Variants in FSTL4 observed in about 807,000 individuals in gnomAD.
The protein encoded by FSTL4 is follistatin like 4.
FSTL4 carries 28 observed loss-of-function variants against 78.2 expected under a neutral mutation model. The observed-to-expected ratio is 0.36, with a 90% CI of 0.27 to 0.49. The LOEUF (loss-of-function observed/expected upper bound fraction) is 0.49. Ranked by LOEUF, FSTL4 falls within the 20% of genes least tolerant of loss-of-function variation. The pLI is 0.98. For missense variants in FSTL4, 922 were observed against 1,084.9 expected (o/e 0.85, Z 2.11); for synonymous variants, 422 against 440.5 (o/e 0.96, Z 0.53).
At chr5:133,626,092 A>G in the FSTL4 span, among the ~76,000 whole-genome samples, 1 of 83,344 alleles carries the variant, frequency 1.2e-5, no homozygotes, top group South Asian at 3.4e-4. Flanking sequence ...ATATATATAT[A>G]TATTCCATAT....
intron 14 of FSTL4, among the ~76,000 whole-genome samples, chr5:133,208,600 C>G (rs1289478269): frequency 6.6e-6 from 1 of 152,190 alleles, no homozygotes; most frequent in African/African-American, 2.4e-5. Context: ...CATGGGTTTG[C>G]TCTGTGATTT....
chr5:133,654,329 C>T, the FSTL4 span, among the ~76,000 whole-genome samples: 1 of 152,200 alleles, frequency 6.6e-6, no homozygotes, highest in Non-Finnish European at 1.5e-5. Flanking sequence ...TTGTTTTGCT[C>T]TTTTTACTAT....
intron 6 of FSTL4, among the ~76,000 whole-genome samples, chr5:133,296,276 C>G (rs1410160267): frequency 2.0e-5 from 3 of 152,242 alleles, no homozygotes; most frequent in Non-Finnish European, 4.4e-5. Flanking sequence ...TCCTCACCAC[C>G]ATCGTGCCCA....
Position 133,395,782 on chromosome 5 carries a change from C to G in FSTL4, c.409+4956G>C, listed in dbSNP as rs181403872. Among the ~76,000 whole-genome samples, 16 of 152,320 alleles carry G rather than the reference C, an allele frequency of 1.1e-4. No individual in the cohort carries two copies. The East Asian group carries it at 3.1e-3, about 29-fold the overall frequency. On this transcript the variant is annotated intron_variant, in intron 4 of 15. Transcript: ENST00000265342. ...CAAACCTTCCCTTGCTCTTCAAAAT[C>G]CACCTTGAAGGTCCCCTCTCCTCCA... is the stretch of plus-strand genomic sequence containing the variant.
chr5:133,561,469 G>A (rs1217019265), intron 3 of FSTL4, among the ~76,000 whole-genome samples: 1 of 152,096 alleles, frequency 6.6e-6, no homozygotes, highest in Non-Finnish European at 1.5e-5. Flanking sequence ...GGATTTTTCT[G>A]GTGTCATTCT....
At chr5:133,289,502 C>T (rs1381982795) in intron 6 of FSTL4, among the ~76,000 whole-genome samples, 1 of 152,248 alleles carries the variant, frequency 6.6e-6, no homozygotes, top group Non-Finnish European at 1.5e-5. Context: ...GGGTCAGGAG[C>T]TCCTGAGAGT....
chr5:133,261,423 A>G (rs1182364058), intron 6 of FSTL4, among the ~76,000 whole-genome samples: 1 of 152,204 alleles, frequency 6.6e-6, no homozygotes, highest in Non-Finnish European at 1.5e-5. Context: ...CCCCCCTCTT[A>G]GCCGAGAAGA....
intron 3 of FSTL4, among the ~76,000 whole-genome samples, chr5:133,470,418 C>T (rs890914426): frequency 2.6e-5 from 4 of 152,202 alleles, no homozygotes; most frequent in Non-Finnish European, 5.9e-5. Context: ...TTCTAGGAAT[C>T]AGAAAGCAAG....
the FSTL4 span, among the ~76,000 whole-genome samples, chr5:133,664,341 T>G: frequency 6.6e-6 from 1 of 151,990 alleles, no homozygotes; most frequent in Non-Finnish European, 1.5e-5. Flanking sequence ...CCAGTAGAAT[T>G]TCCTAGGCAC....
intron 3 of FSTL4, among the ~76,000 whole-genome samples, chr5:133,530,731 C>T (rs1316681338): frequency 6.6e-6 from 1 of 152,190 alleles, no homozygotes; most frequent in African/African-American, 2.4e-5. Context: ...AACAGGGACC[C>T]TTCACCATGG....
At chr5:133,778,269 C>T in the FSTL4 span, among the ~76,000 whole-genome samples, 1 of 152,130 alleles carries the variant, frequency 6.6e-6, no homozygotes, top group South Asian at 2.1e-4. Flanking sequence ...AAAGGCTTCT[C>T]AAAGAAAGCC....
intron 6 of FSTL4, among the ~76,000 whole-genome samples, chr5:133,302,943 GC>G (rs927261425): frequency 2.0e-5 from 3 of 152,216 alleles, no homozygotes; most frequent in African/African-American, 7.2e-5. Context: ...CAGGCTGAAT[GC>G]CCACCACATG....
chr5:133,227,637 C>T (rs1362350233), intron 8 of FSTL4, among the ~76,000 whole-genome samples: 1 of 152,068 alleles, frequency 6.6e-6, no homozygotes, highest in African/African-American at 2.4e-5. Flanking sequence ...TGGGTTCTTA[C>T]TAGATCACTG....
chr5:133,652,235 T>G, the FSTL4 span, among the ~76,000 whole-genome samples: 1 of 152,118 alleles, frequency 6.6e-6, no homozygotes, highest in Non-Finnish European at 1.5e-5. Flanking sequence ...TTGATTTTCT[T>G]TTTAATTTTA....
At chr5:133,517,572 G>A (rs1561453971) in intron 3 of FSTL4, among the ~76,000 whole-genome samples, 1 of 142,324 alleles carries the variant, frequency 7.0e-6, no homozygotes, top group Non-Finnish European at 1.5e-5. Flanking sequence ...ATTTTTGGCT[G>A]TATATTATTA....
chr5:133,811,834 A>G, the FSTL4 span, among the ~76,000 whole-genome samples: 4 of 152,164 alleles, frequency 2.6e-5, no homozygotes, highest in African/African-American at 9.7e-5. Flanking sequence ...CCTTGTTTCT[A>G]TCACAGGCCC....
At chr5:133,787,936 C>T in the FSTL4 span, among the ~76,000 whole-genome samples, 1 of 152,222 alleles carries the variant, frequency 6.6e-6, no homozygotes, top group Non-Finnish European at 1.5e-5. Context: ...TTATTATGCA[C>T]CTAGCATGGA....
chr5:133,616,120 A>T (rs987413165), upstream of FSTL4, among the ~76,000 whole-genome samples: 3 of 152,178 alleles, frequency 2.0e-5, no homozygotes, highest in Non-Finnish European at 2.9e-5. Flanking sequence ...TGGGGATGAG[A>T]TGGCCAGGCC....
the FSTL4 span, among the ~76,000 whole-genome samples, chr5:133,809,225 G>T: frequency 6.6e-6 from 1 of 151,852 alleles, no homozygotes; most frequent in African/African-American, 2.4e-5. Flanking sequence ...AAATTAGCTG[G>T]GCATGGTGGT....
Sources: allele counts gnomAD v4.1 joint callset (sites outside exome capture counted in the v4.1 genomes callset), GRCh38; gene constraint gnomAD v4.1.1; transcripts MANE v1.5; gene names NCBI Gene and HGNC (gene_info 2026-07-23, HGNC 2026-07-21).